ATP8A2: variants seen among roughly 807,000 people sequenced by gnomAD.
ATP8A2 encodes the protein ATPase phospholipid transporting 8A2.
ATP8A2 carries 100 observed loss-of-function variants against 165.6 expected under a neutral mutation model. The ratio of observed to expected loss-of-function variants is 0.60; its 90% CI spans 0.51 to 0.71. ATP8A2 has a LOEUF of 0.71. ATP8A2 is among the 30% of genes least tolerant of loss of function. The pLI, the probability that ATP8A2 is intolerant of heterozygous loss-of-function variation, is 0.00. For synonymous variants in ATP8A2, 543 were observed against 548.8 expected (o/e 0.99, Z 0.15); for missense variants, 1,227 against 1,479.5 (o/e 0.83, Z 2.80).
chr13:26,008,914 T>A (rs1956792131), intron 35 of ATP8A2, among the ~76,000 whole-genome samples: 1 of 152,170 alleles, frequency 6.6e-6, no homozygotes, highest in African/African-American at 2.4e-5. Flanking sequence ...TAATAAAGTA[T>A]TCCTCTAAAC....
intron 33 of ATP8A2, among the ~76,000 whole-genome samples, chr13:25,933,971 A>T (rs2139080157): frequency 6.6e-6 from 1 of 152,326 alleles, no homozygotes; most frequent in Non-Finnish European, 1.5e-5. Flanking sequence ...GTCTGGGCTG[A>T]TGGTGAGTAC....
chr13:25,418,167 G>A (rs925246854), intron 1 of ATP8A2, among the ~76,000 whole-genome samples: 2 of 152,258 alleles, frequency 1.3e-5, no homozygotes, highest in Middle Eastern at 3.4e-3. Context: ...CCAGGACATA[G>A]CTCCCAATGA....
At chr13:25,674,846 T>A (rs2042340688) in intron 24 of ATP8A2, among the ~76,000 whole-genome samples, 1 of 152,228 alleles carries the variant, frequency 6.6e-6, no homozygotes, top group Admixed American at 6.5e-5. Context: ...GCTTATAGAA[T>A]TAAACCAAAT....
At chr13:25,970,756 C>A (rs577431205) in intron 35 of ATP8A2, among the ~76,000 whole-genome samples, 1 of 152,144 alleles carries the variant, frequency 6.6e-6, no homozygotes, top group African/African-American at 2.4e-5. Flanking sequence ...CATGAGCTGT[C>A]GGCCTTGAAT....
At position 25,937,042 on chromosome 13, in the gene ATP8A2, T is replaced by A. The variant is rs551656607; in HGVS notation, c.3184-24533T>A. 2.0e-5 allele frequency among the ~76,000 whole-genome samples: 3 copies of A among 152,330 alleles called. No individual in the cohort carries two copies. The East Asian group carries it at 5.8e-4, about 29-fold the overall frequency. On this transcript the variant is annotated intron_variant, in intron 33 of 36. Coordinates refer to ENST00000381655, the MANE Select transcript of ATP8A2 (RefSeq NM_016529.6). The stretch of plus-strand genomic sequence containing the variant: ...GTGAACCTAAGCTTTGCACTCCTCA[T>A]AGCTGTGTATGAGTCTTTTTCTGCG...
chr13:25,829,511 G>A (rs1418392424), intron 28 of ATP8A2, among the ~76,000 whole-genome samples: 5 of 151,160 alleles, frequency 3.3e-5, no homozygotes, highest in African/African-American at 4.9e-5. Context: ...CAACCATTTC[G>A]GGGAAATATG....
intron 29 of ATP8A2, among the ~76,000 whole-genome samples, chr13:25,838,400 T>A (rs1951674272): frequency 6.6e-6 from 1 of 152,166 alleles, no homozygotes; most frequent in African/African-American, 2.4e-5. Flanking sequence ...ATTTTACCAA[T>A]CCTTGTTGAC....
At chr13:25,863,295 C>G (rs902956776) in intron 33 of ATP8A2, 1 of 152,548 alleles carries the variant, frequency 6.6e-6, no homozygotes, top group South Asian at 2.1e-4. Context: ...CACTTGTAAT[C>G]TATTCTCTGG....
At chr13:25,465,715 CTTTCTTTCTTTCTTTCTTTCTT>C (rs2035633423) in intron 1 of ATP8A2, among the ~76,000 whole-genome samples, 2 of 42,346 alleles carry the variant, frequency 4.7e-5, no homozygotes, top group African/African-American at 9.1e-5. Context: ...TTCTTTCTTT[CTTTCTTTCTTTCTTTCTTTCTT>C]TCCCTCCCTC....
chr13:25,887,923 G>A (rs1177205918), intron 33 of ATP8A2, among the ~76,000 whole-genome samples: 1 of 151,890 alleles, frequency 6.6e-6, no homozygotes, highest in Non-Finnish European at 1.5e-5. Context: ...TGCTTCTGTG[G>A]GCTGCTTATC....
chr13:25,433,925 G>A (rs1336466834), intron 1 of ATP8A2, among the ~76,000 whole-genome samples: 2 of 152,168 alleles, frequency 1.3e-5, no homozygotes, highest in Non-Finnish European at 2.9e-5. Flanking sequence ...TGAACAGTGG[G>A]TACACATGGA....
intron 33 of ATP8A2, among the ~76,000 whole-genome samples, chr13:25,947,956 C>T (rs931098502): frequency 2.0e-5 from 3 of 152,100 alleles, no homozygotes; most frequent in South Asian, 2.1e-4. Context: ...GATGAGGGGA[C>T]GTTCACCTGC....
At chr13:25,700,763 C>T (rs2042935442) in intron 25 of ATP8A2, among the ~76,000 whole-genome samples, 1 of 152,280 alleles carries the variant, frequency 6.6e-6, no homozygotes, top group East Asian at 1.9e-4. Flanking sequence ...CATGTTTAAC[C>T]TTTTGAGGAA....
chr13:25,446,551 G>A (rs1566139280), intron 1 of ATP8A2, among the ~76,000 whole-genome samples: 1 of 151,898 alleles, frequency 6.6e-6, no homozygotes, highest in African/African-American at 2.4e-5. Context: ...AGTACATTGA[G>A]TTTTTTGTTC....
Position 25,685,782 on chromosome 13 carries a change from G to A in ATP8A2, c.2212-13391G>A, listed in dbSNP as rs553697781. ...AAGGCACTTGGTTCTTATTCAGATG[G>A]AGACCAGAAGCTTTGGAGGACTTTG... is the stretch of plus-strand genomic sequence containing the variant. On this transcript the variant is annotated intron_variant, in intron 24 of 36. Coordinates refer to ENST00000381655, the MANE Select transcript of ATP8A2 (RefSeq NM_016529.6). Among the ~76,000 whole-genome samples, 16 of 152,294 alleles carry A rather than the reference G, an allele frequency of 1.1e-4. No individual in the cohort carries two copies. The South Asian group carries it at 2.9e-3, about 28-fold the overall frequency.
intron 33 of ATP8A2, among the ~76,000 whole-genome samples, chr13:25,889,882 G>A (rs1226407046): frequency 1.3e-5 from 2 of 151,858 alleles, no homozygotes; most frequent in African/African-American, 2.4e-5. Flanking sequence ...AACAAATTTG[G>A]CCGGGCGCGG....
chr13:25,433,975 A>T (rs2034683835), intron 1 of ATP8A2, among the ~76,000 whole-genome samples: 1 of 152,144 alleles, frequency 6.6e-6, no homozygotes, highest in Non-Finnish European at 1.5e-5. Flanking sequence ...GCTCCAAAAG[A>T]GTGGGAGTGC....
At chr13:25,789,213 A>G (rs527971900) in intron 27 of ATP8A2, among the ~76,000 whole-genome samples, 54 of 152,338 alleles carry the variant, frequency 3.5e-4, no homozygotes, top group African/African-American at 1.2e-3. Flanking sequence ...AAATAATAGC[A>G]TATGCAGTCA....
intron 1 of ATP8A2, among the ~76,000 whole-genome samples, chr13:25,436,317 G>A (rs1447361538): frequency 2.0e-5 from 3 of 151,998 alleles, no homozygotes; most frequent in East Asian, 3.9e-4. Flanking sequence ...TTATGTCCAC[G>A]TGTACTCAAT....
Sources: gnomAD v4.1 joint callset for allele counts (sites outside exome capture counted in the v4.1 genomes callset) on GRCh38, gnomAD v4.1.1 for gene constraint, MANE v1.5 for transcripts, NCBI Gene and HGNC (gene_info 2026-07-23, HGNC 2026-07-21) for gene names.